Variants in KDM6A observed in about 807,000 individuals in gnomAD.
KDM6A encodes the protein lysine demethylase 6A, also known as lysine-specific demethylase 6A.
In KDM6A, 11 loss-of-function variants were observed where a neutral mutation model predicts 117.6. That is an observed-to-expected ratio of 0.09 (90% CI 0.06 to 0.15). KDM6A has a LOEUF of 0.15. KDM6A is among the 10% of genes least tolerant of loss of function. The pLI is 1.00. For missense variants in KDM6A, 799 were observed against 1,077.3 expected (o/e 0.74, Z 3.62); for synonymous variants, 384 against 396.1 (o/e 0.97, Z 0.36).
chrX:45,060,920 T>C (rs958743570), intron 14 of KDM6A, among the ~76,000 whole-genome samples, 156 bp downstream of exon 14: 5 of 112,108 alleles, frequency 4.5e-5, no homozygotes, highest in Non-Finnish European at 9.4e-5. Context: ...CTTAGTATCA[T>C]ATTAAATATA....
chrX:44,954,893 G>A (rs1368669284), intron 2 of KDM6A, among the ~76,000 whole-genome samples: 3 of 110,741 alleles, frequency 2.7e-5, no homozygotes, highest in Admixed American at 9.7e-5. Context: ...TGGAATTTGC[G>A]GAAATAATAG....
chrX:44,980,968 G>A (rs187363606), intron 4 of KDM6A, among the ~76,000 whole-genome samples: 2 of 109,751 alleles, frequency 1.8e-5, no homozygotes, highest in Admixed American at 2.0e-4. Flanking sequence ...AGTTTACTTC[G>A]AGGGCTCTTC....
chrX:44,922,287 C>T (rs2036007404), intron 2 of KDM6A, among the ~76,000 whole-genome samples: 1 of 107,492 alleles, frequency 9.3e-6, no homozygotes, highest in South Asian at 4.2e-4. Context: ...CTCCTGACCT[C>T]AGGCGATCTA....
At chrX:44,922,131 C>T (rs2146892382) in intron 2 of KDM6A, among the ~76,000 whole-genome samples, 1 of 94,207 alleles carries the variant, frequency 1.1e-5, no homozygotes, top group South Asian at 5.7e-4. Flanking sequence ...CAGCCTCTGC[C>T]TCCCGGGTTT....
chrX:44,928,424 A>G (rs1476455278), intron 2 of KDM6A, among the ~76,000 whole-genome samples: 1 of 112,193 alleles, frequency 8.9e-6, no homozygotes, highest in African/African-American at 3.2e-5. Context: ...AAAATTAAAA[A>G]TATCAGAAAC....
At chrX:44,959,163 A>C (rs770264993) in intron 2 of KDM6A, among the ~76,000 whole-genome samples, 6 of 110,525 alleles carry the variant, frequency 5.4e-5, no homozygotes, top group African/African-American at 1.3e-4. Flanking sequence ...TGTCAGCATC[A>C]TTGACCACCA....
rs1177365273 is a variant in KDM6A, at chrX:44,896,624, T to G, written c.225+22637T>G. ...TCAGCATTCTTCCATTATCATTTCC[T>G]TTTTTTTTTTTTTTTTCAGACAGCT... On this transcript the variant is annotated intron_variant, in intron 2 of 29. Coordinates refer to ENST00000611820, the MANE Select transcript of KDM6A (RefSeq NM_001291415.2). 3.0e-3 allele frequency among the ~76,000 whole-genome samples: 7 copies of G among 2,300 alleles called. No homozygotes were observed. The Admixed American group carries it at 0.045, about 15-fold the overall frequency. The allele number at this position is 2,300 out of a possible 115,157, so 2.0% of individuals were successfully genotyped here.
intron 2 of KDM6A, among the ~76,000 whole-genome samples, chrX:44,950,975 C>T (rs1163855483): frequency 9.1e-6 from 1 of 110,385 alleles, no homozygotes; most frequent in African/African-American, 3.3e-5. Flanking sequence ...ATTACAGATA[C>T]CTCTTCCCCT....
intron 6 of KDM6A, among the ~76,000 whole-genome samples, chrX:45,027,182 A>T (rs1602625819): frequency 9.1e-6 from 1 of 109,299 alleles, no homozygotes; most frequent in African/African-American, 3.3e-5. Context: ...TCTGAAGATA[A>T]TGAAAGTTTA....
chrX:45,012,708 C>A (rs2041820349), intron 5 of KDM6A, among the ~76,000 whole-genome samples: 1 of 111,583 alleles, frequency 9.0e-6, no homozygotes, highest in Non-Finnish European at 1.9e-5. Context: ...TATGGTTTCC[C>A]TAAAGAGGAG....
intron 2 of KDM6A, among the ~76,000 whole-genome samples, chrX:44,902,494 A>T (rs1471056788): frequency 9.3e-6 from 1 of 107,973 alleles, no homozygotes; most frequent in African/African-American, 3.4e-5. Flanking sequence ...GGTTCAAGCG[A>T]TTCTCCTGCC....
chrX:45,065,190 A>C (rs1472679302), intron 17 of KDM6A, among the ~76,000 whole-genome samples: 1 of 111,745 alleles, frequency 8.9e-6, no homozygotes, highest in Non-Finnish European at 1.9e-5. Flanking sequence ...ATTTGTGATA[A>C]GATTGTTCCA....
chrX:44,893,421 A>C (rs2033551311), intron 2 of KDM6A, among the ~76,000 whole-genome samples: 2 of 111,066 alleles, frequency 1.8e-5, no homozygotes, highest in South Asian at 7.5e-4. Context: ...TTTAAATGTA[A>C]ATTTCCAGGT....
At chrX:44,950,583 A>AGTGTGT (rs59987785) in intron 2 of KDM6A, among the ~76,000 whole-genome samples, 1 of 106,096 alleles carries the variant, frequency 9.4e-6, no homozygotes, top group African/African-American at 3.5e-5. Context: ...CCTGGGTGTG[A>AGTGTGT]GTGTGTGTGT....
intron 2 of KDM6A, among the ~76,000 whole-genome samples, chrX:44,886,930 T>G (rs967580218): frequency 9.2e-6 from 1 of 108,921 alleles, no homozygotes; most frequent in African/African-American, 3.4e-5. Flanking sequence ...AACTTATAGA[T>G]GAATATCTTT....
intron 25 of KDM6A, among the ~76,000 whole-genome samples, chrX:45,087,784 A>G (rs1411908775): frequency 9.0e-6 from 1 of 111,652 alleles, no homozygotes; most frequent in Non-Finnish European, 1.9e-5. Context: ...TAAGCAGATG[A>G]TGTCCAAAAA....
intron 2 of KDM6A, among the ~76,000 whole-genome samples, chrX:44,925,571 AC>A (rs1336070121): frequency 8.9e-6 from 1 of 112,198 alleles, no homozygotes; most frequent in African/African-American, 3.2e-5. Context: ...TTACAAAAGA[AC>A]AATTCGTAAT....
At chrX:45,086,574 G>T (rs753573782) in intron 25 of KDM6A, among the ~76,000 whole-genome samples, 1 of 112,036 alleles carries the variant, frequency 8.9e-6, no homozygotes, top group East Asian at 2.8e-4. Context: ...TGGATTACAG[G>T]CATGATCCAC....
chrX:45,049,671 G>A (rs1401752543), intron 8 of KDM6A, among the ~76,000 whole-genome samples: 1 of 111,939 alleles, frequency 8.9e-6, no homozygotes, highest in Non-Finnish European at 1.9e-5. Context: ...AAATCATTCA[G>A]TGGTTCTCCA....
Sources: allele counts gnomAD v4.1 joint callset (sites outside exome capture counted in the v4.1 genomes callset), GRCh38; gene constraint gnomAD v4.1.1; transcripts MANE v1.5; gene names NCBI Gene and HGNC (gene_info 2026-07-23, HGNC 2026-07-21).